GABRB2: variants seen among roughly 807,000 people sequenced by gnomAD.
GABRB2 encodes gamma-aminobutyric acid type A receptor subunit beta2, also known as gamma-aminobutyric acid receptor subunit beta-2.
In GABRB2, 16 loss-of-function variants were observed where a neutral mutation model predicts 54.7. The ratio of observed to expected loss-of-function variants is 0.29; its 90% CI spans 0.20 to 0.44. The LOEUF is 0.44. Among genes scored for constraint, GABRB2 ranks in the 20% least tolerant of loss-of-function variants. The probability of loss-of-function intolerance (pLI) is 1.00; values close to 1 mark genes in which losing one functional copy is unlikely to be tolerated. For missense variants in GABRB2, 355 were observed against 644.0 expected (o/e 0.55, Z 4.86); for synonymous variants, 244 against 233.8 (o/e 1.04, Z -0.40).
At chr5:161,453,879 A>G (rs1289315416) in intron 4 of GABRB2, among the ~76,000 whole-genome samples, 2 of 152,028 alleles carry the variant, frequency 1.3e-5, no homozygotes, top group African/African-American at 4.8e-5. Flanking sequence ...TCTACTAAAA[A>G]TACAAATAAT....
At position 161,293,892 on chromosome 5, in the gene GABRB2, G is replaced by A. The variant is rs899932477; in HGVS notation, c.*189C>T. 1.7e-6 allele frequency: 1 copy of A among 575,004 alleles called. No homozygotes were observed. The highest frequency in any genetic ancestry group is 3.1e-6 in the Non-Finnish European group (1 of 324,042). 35.6% of individuals were successfully genotyped at this position (575,004 alleles called of 1,614,324 possible). A position where few individuals can be genotyped will look rare whatever the true frequency, so the allele number is the denominator to read the frequency against. On this transcript the variant is annotated 3_prime_UTR_variant, in exon 10 of 10. Transcript: ENST00000393959. ...TGCGTTTTAACTGGAAAACCACAAG[G>A]ACCTTAGTGTATTCATTACTTAGCA...
intron 3 of GABRB2, among the ~76,000 whole-genome samples, chr5:161,542,760 T>C (rs1034270392): frequency 2.0e-5 from 3 of 152,204 alleles, no homozygotes; most frequent in African/African-American, 4.8e-5. Context: ...GGGATAAATG[T>C]GTCTGTTAAA....
At chr5:161,479,637 G>A (rs191039215) in intron 3 of GABRB2, among the ~76,000 whole-genome samples, 12 of 151,106 alleles carry the variant, frequency 7.9e-5, no homozygotes, top group Admixed American at 6.6e-4. Flanking sequence ...CCAGGCTGGG[G>A]TGAGTGCAGT....
intron 5 of GABRB2, among the ~76,000 whole-genome samples, chr5:161,363,891 A>C (rs1023908677): frequency 2.0e-5 from 3 of 152,214 alleles, no homozygotes; most frequent in African/African-American, 7.2e-5. Context: ...TGTAAAGAAG[A>C]TTCTAAAAGA....
At chr5:161,385,497 G>C (rs1353047157) in intron 5 of GABRB2, among the ~76,000 whole-genome samples, 1 of 152,076 alleles carries the variant, frequency 6.6e-6, no homozygotes, top group Non-Finnish European at 1.5e-5. Flanking sequence ...TTTTCTTTGT[G>C]GGTGGAGACA....
rs942142058 is a variant in GABRB2, at chr5:161,290,189, A to G, written c.*3892T>C. The G allele has an allele frequency of 6.6e-5, 10 of 152,480 alleles. No homozygotes were observed. Among genetic ancestry groups the G allele is most frequent in the South Asian group, 6.2e-4 (3 of 4,820 alleles). 9.4% of individuals were successfully genotyped at this position (152,480 alleles called of 1,614,324 possible). A position where few individuals can be genotyped will look rare whatever the true frequency, so the allele number is the denominator to read the frequency against. ...TACTCTGTACATTTAGCCAAATGGC[A>G]TGATTGCTACAGTTGTGAATACTTA... On this transcript the variant is annotated 3_prime_UTR_variant, in exon 10 of 10. Coordinates refer to ENST00000393959, the MANE Select transcript of GABRB2 (RefSeq NM_001371727.1).
At chr5:161,332,654 G>C (rs1753885670) in intron 7 of GABRB2, among the ~76,000 whole-genome samples, 1 of 152,174 alleles carries the variant, frequency 6.6e-6, no homozygotes, top group Admixed American at 6.5e-5. Flanking sequence ...AAGTTATAGA[G>C]TTGCCATTGG....
intron 4 of GABRB2, among the ~76,000 whole-genome samples, chr5:161,457,648 G>A (rs923424252): frequency 1.1e-4 from 16 of 151,928 alleles, no homozygotes; most frequent in South Asian, 6.2e-4. Context: ...GGCTTTCACC[G>A]TGTTAGTCAG....
chr5:161,360,386 G>A (rs1424191602), intron 5 of GABRB2, among the ~76,000 whole-genome samples: 1 of 152,104 alleles, frequency 6.6e-6, no homozygotes, highest in African/African-American at 2.4e-5. Context: ...GTTCCCAAGA[G>A]GCAAAAATAA....
intron 4 of GABRB2, among the ~76,000 whole-genome samples, chr5:161,419,144 C>A (rs1580969947): frequency 6.6e-6 from 1 of 152,110 alleles, no homozygotes; most frequent in South Asian, 2.1e-4. Context: ...AACAAATAAA[C>A]AAACTAACAA....
chr5:161,483,907 T>G (rs1758840510), intron 3 of GABRB2, among the ~76,000 whole-genome samples: 1 of 151,876 alleles, frequency 6.6e-6, no homozygotes, highest in Non-Finnish European at 1.5e-5. Context: ...AATCTCTACC[T>G]GGCAAGGTTA....
chr5:161,525,262 G>A (rs989807302), intron 3 of GABRB2, among the ~76,000 whole-genome samples: 10 of 151,134 alleles, frequency 6.6e-5, no homozygotes, highest in Non-Finnish European at 4.5e-5. Context: ...TGGCCAACAC[G>A]AGTTAAATAG....
intron 5 of GABRB2, among the ~76,000 whole-genome samples, chr5:161,346,881 T>C (rs1754332462): frequency 6.6e-6 from 1 of 152,084 alleles, no homozygotes; most frequent in South Asian, 2.1e-4. Context: ...TTCTTTAAAT[T>C]TGTAACCATG....
chr5:161,520,181 G>A (rs1008828509), intron 3 of GABRB2, among the ~76,000 whole-genome samples: 5 of 152,048 alleles, frequency 3.3e-5, no homozygotes, highest in Non-Finnish European at 7.4e-5. Flanking sequence ...GAGATTATGT[G>A]AGTTGTATAA....
chr5:161,344,354 C>A (rs141195245), intron 5 of GABRB2, among the ~76,000 whole-genome samples: 1 of 152,088 alleles, frequency 6.6e-6, no homozygotes, highest in Non-Finnish European at 1.5e-5. Flanking sequence ...TTTGTAGTCA[C>A]GCTAGTTTTG....
In GABRB2 at chr5:161,358,776, A is replaced by G. The variant is rs914643371; in HGVS notation, c.542-22007T>C. On this transcript the variant is annotated intron_variant, in intron 5 of 9. Coordinates refer to ENST00000393959, the MANE Select transcript of GABRB2 (RefSeq NM_001371727.1). ...CATTAGCTGAGAGTGAGAATGCAGA[A>G]AGAGGTGTTGAGAAAGTAAGGAGAG... 2.0e-5 allele frequency among the ~76,000 whole-genome samples: 3 copies of G among 152,284 alleles called. No homozygotes were observed. In the South Asian group the frequency reaches 6.2e-4, roughly 32 times the overall value.
intron 9 of GABRB2, among the ~76,000 whole-genome samples, chr5:161,310,495 T>C (rs968318363): frequency 6.6e-6 from 1 of 152,198 alleles, no homozygotes; most frequent in Non-Finnish European, 1.5e-5. Flanking sequence ...TTTCTCTCTC[T>C]CTCTTTCTTC....
chr5:161,305,226 C>T (rs954209035), intron 9 of GABRB2, among the ~76,000 whole-genome samples: 6 of 151,504 alleles, frequency 4.0e-5, no homozygotes, highest in African/African-American at 1.2e-4. Context: ...CCCTGTTAGC[C>T]AGGATGGTCT....
At chr5:161,385,543 T>C (rs905882084) in intron 5 of GABRB2, among the ~76,000 whole-genome samples, 2 of 152,190 alleles carry the variant, frequency 1.3e-5, no homozygotes, top group African/African-American at 4.8e-5. Context: ...GCTAGAGAAA[T>C]TGCCCTTAGC....
Sources: gnomAD v4.1 joint callset for allele counts (sites outside exome capture counted in the v4.1 genomes callset) on GRCh38, gnomAD v4.1.1 for gene constraint, MANE v1.5 for transcripts, NCBI Gene and HGNC (gene_info 2026-07-23, HGNC 2026-07-21) for gene names.